The following PRKCH variants were observed in gnomAD, a reference collection of about 807,000 sequenced individuals.
PRKCH encodes the protein protein kinase C eta type.
PRKCH carries 28 observed loss-of-function variants against 82.5 expected under a neutral mutation model. That is an observed-to-expected ratio of 0.34 (90% CI 0.25 to 0.47). PRKCH has a LOEUF of 0.47. Ranked by LOEUF, PRKCH falls within the 20% of genes least tolerant of loss-of-function variation. The pLI, the probability that PRKCH is intolerant of heterozygous loss-of-function variation, is 1.00. For missense variants in PRKCH, 705 were observed against 881.8 expected (o/e 0.80, Z 2.54); for synonymous variants, 322 against 327.4 (o/e 0.98, Z 0.18).
chr14:61,266,683 G>A (rs1418304455), intron 1 of PRKCH, among the ~76,000 whole-genome samples: 1 of 152,164 alleles, frequency 6.6e-6, no homozygotes, highest in Non-Finnish European at 1.5e-5. Context: ...GAGAGGAATT[G>A]TCTCACGAGA....
intron 1 of PRKCH, chr14:61,298,090 T>C (rs2097285637): frequency 6.6e-6 from 1 of 152,284 alleles, no homozygotes. Flanking sequence ...AACAATCTCT[T>C]TGTTCCCCTT....
Position 61,355,289 on chromosome 14 carries a change from C to T in PRKCH, c.363+32825C>T, listed in dbSNP as rs1594940697. Among the ~76,000 whole-genome samples the T allele has an allele frequency of 2.6e-5, 4 of 152,184 alleles. 1 individual carries two copies. The South Asian group carries it at 8.3e-4, about 32-fold the overall frequency. On this transcript the variant is annotated intron_variant, in intron 1 of 13. Transcript: ENST00000332981. ...CATTGCACTGAACACCATTATCATT[C>T]ACCTTTTTCACTTCTTTTTGACATG...
chr14:61,263,619 A>G (rs2045069561), intron 1 of PRKCH, among the ~76,000 whole-genome samples: 3 of 152,182 alleles, frequency 2.0e-5, no homozygotes. Flanking sequence ...ATCTCTATCT[A>G]TACCTATTTG....
chr14:61,366,989 A>T (rs1347861878), intron 1 of PRKCH, among the ~76,000 whole-genome samples: 1 of 152,028 alleles, frequency 6.6e-6, no homozygotes, highest in South Asian at 2.1e-4. Flanking sequence ...TTCTAAAACA[A>T]ATACTTCGAT....
chr14:61,457,374 G>GGGT lies in PRKCH; in HGVS notation c.1104+56_1104+57insGTG. 3 of 1,574,864 alleles carry GGGT rather than the reference G, an allele frequency of 1.9e-6. No homozygotes were observed. In the East Asian group the frequency reaches 6.9e-5, roughly 36 times the overall value. On this transcript the variant is annotated intron_variant, in intron 8 of 13. Coordinates refer to ENST00000332981, the MANE Select transcript of PRKCH (RefSeq NM_006255.5). ...AAGTAAGTGTGCTCTGTGTATGGGG[G>GGGT]GTGTGTGTGTGTGTGCACGCATGCG...
intron 1 of PRKCH, among the ~76,000 whole-genome samples, chr14:61,293,436 G>A (rs1276240941): frequency 1.3e-5 from 2 of 152,144 alleles, no homozygotes; most frequent in African/African-American, 4.8e-5. Flanking sequence ...CTCCCCTTAA[G>A]GTCCACACAG....
Position 61,234,385 on chromosome 14 carries a change from G to T in PRKCH, c.-19+46717G>T, listed in dbSNP as rs116815756. Reference sequence around the variant, plus strand: ...AATATAGTCATTATACTAGTGTGCTGCTCCCTTGGTAAGAATTGCATAGTC... The same window carrying T: ...AATATAGTCATTATACTAGTGTGCTTCTCCCTTGGTAAGAATTGCATAGTC... On this transcript the variant is annotated intron_variant, in intron 1 of 3. Transcript: ENST00000555185. 3.7e-3 allele frequency among the ~76,000 whole-genome samples: 563 copies of T among 152,216 alleles called. 6 individuals carry two copies. The highest frequency in any genetic ancestry group is 0.013 in the African/African-American group (523 of 41,532).
At chr14:61,379,504 G>A (rs2140183607) in intron 1 of PRKCH, among the ~76,000 whole-genome samples, 1 of 152,344 alleles carries the variant, frequency 6.6e-6, no homozygotes, top group African/African-American at 2.4e-5. Context: ...TTGAGTTCTT[G>A]TTTTGGTTTT....
intron 1 of PRKCH, among the ~76,000 whole-genome samples, chr14:61,200,668 C>T (rs957229704): frequency 1.3e-5 from 2 of 151,952 alleles, no homozygotes; most frequent in African/African-American, 2.4e-5. Flanking sequence ...TAGTTACCCA[C>T]GATTAACCAT....
intron 10 of PRKCH, among the ~76,000 whole-genome samples, chr14:61,491,215 G>A (rs140080506): frequency 0.012 from 1,793 of 152,236 alleles, 33 homozygotes; most frequent in African/African-American, 0.041. Flanking sequence ...TTCTAGTGAG[G>A]AAAATCTTTT....
upstream of PRKCH, among the ~76,000 whole-genome samples, chr14:61,317,529 C>G (rs1461102773): frequency 6.6e-6 from 1 of 152,134 alleles, no homozygotes; most frequent in Non-Finnish European, 1.5e-5. Context: ...TTGCCTCAGC[C>G]TCCCAAAGTG....
At chr14:61,192,652 G>A (rs1428248214) in intron 1 of PRKCH, among the ~76,000 whole-genome samples, 1 of 152,216 alleles carries the variant, frequency 6.6e-6, no homozygotes, top group Non-Finnish European at 1.5e-5. Flanking sequence ...TTCTTCAGGA[G>A]CAGCAGAGCT....
intron 9 of PRKCH, chr14:61,477,055 G>A (rs1885759733): frequency 6.6e-6 from 1 of 152,142 alleles, no homozygotes; most frequent in African/African-American, 2.4e-5. Flanking sequence ...TGAACTCCCT[G>A]CTCACCCTGT....
intron 1 of PRKCH, among the ~76,000 whole-genome samples, chr14:61,200,894 C>T (rs1156494581): frequency 1.3e-5 from 2 of 152,018 alleles, no homozygotes; most frequent in African/African-American, 2.4e-5. Context: ...CCGGAGGTTT[C>T]GGGCATCCAT....
At chr14:61,445,831 ACT>A (rs1884194630) in intron 4 of PRKCH, 105 bp downstream of exon 4, 2 of 1,227,146 alleles carry the variant, frequency 1.6e-6, no homozygotes, top group Admixed American at 1.7e-5. Context: ...GTGATAAATA[ACT>A]CTCTGTAGGT....
chr14:61,432,424 C>T (rs1021099660), intron 2 of PRKCH, among the ~76,000 whole-genome samples: 5 of 152,152 alleles, frequency 3.3e-5, no homozygotes, highest in East Asian at 1.9e-4. Context: ...CTTTATTTAG[C>T]GAAGGTATTT....
chr14:61,279,934 C>T, intron 1 of PRKCH: 1 of 671,070 alleles, frequency 1.5e-6, no homozygotes, highest in Non-Finnish European at 2.5e-6. Flanking sequence ...AGCAGCCCCC[C>T]AAGAGCAAGG....
chr14:61,360,350 T>C (rs1044275377), intron 1 of PRKCH, among the ~76,000 whole-genome samples: 1 of 151,894 alleles, frequency 6.6e-6, no homozygotes, highest in African/African-American at 2.4e-5. Context: ...ACTAAAAATA[T>C]AAAAATTAGA....
intron 1 of PRKCH, among the ~76,000 whole-genome samples, chr14:61,289,867 C>G (rs1440208476): frequency 1.3e-5 from 2 of 152,194 alleles, no homozygotes; most frequent in Non-Finnish European, 2.9e-5. Context: ...ATCCTGTGGC[C>G]TTGCTGGTGG....
Sources: gnomAD v4.1 joint callset for allele counts (sites outside exome capture counted in the v4.1 genomes callset) on GRCh38, gnomAD v4.1.1 for gene constraint, MANE v1.5 for transcripts, NCBI Gene and HGNC (gene_info 2026-07-23, HGNC 2026-07-21) for gene names.